Variants in GUCA1B observed in about 807,000 individuals in gnomAD.
GUCA1B encodes guanylate cyclase activator 1B.
In GUCA1B, 22 loss-of-function variants were observed where a neutral mutation model predicts 24.2. That is an observed-to-expected ratio of 0.91 (90% CI 0.65 to 1.30). The LOEUF (loss-of-function observed/expected upper bound fraction) is 1.30. GUCA1B is among the 50% of genes most tolerant of loss of function. The pLI is 0.00. For synonymous variants in GUCA1B, 100 were observed against 97.9 expected (o/e 1.02, Z -0.13); for missense variants, 221 against 258.8 (o/e 0.85, Z 1.00).
At chr6:42,190,073 C>T (rs1209562375) in intron 1 of GUCA1B, among the ~76,000 whole-genome samples, 1 of 152,152 alleles carries the variant, frequency 6.6e-6, no homozygotes, top group East Asian at 1.9e-4. Flanking sequence ...AGCCCCAGAT[C>T]AAGGGGTGCC....
chr6:42,191,707 G>A (rs1293846668), intron 1 of GUCA1B, among the ~76,000 whole-genome samples: 2 of 152,194 alleles, frequency 1.3e-5, no homozygotes, highest in African/African-American at 4.8e-5. Context: ...ATCCTTACAT[G>A]TTGCTTATTA....
intron 2 of GUCA1B, among the ~76,000 whole-genome samples, chr6:42,187,418 C>CTTTT (rs70987578): frequency 7.7e-6 from 1 of 129,582 alleles, no homozygotes; most frequent in Non-Finnish European, 1.6e-5. Flanking sequence ...GTTTATTTTA[C>CTTTT]TTTTTTTTTT....
chr6:42,187,229 C>T (rs373433121), intron 2 of GUCA1B, among the ~76,000 whole-genome samples: 45 of 152,006 alleles, frequency 3.0e-4, no homozygotes, highest in African/African-American at 9.4e-4. Context: ...CTCAGCCTTC[C>T]GAGTAGCTGG....
At chr6:42,192,383 G>GAGAAA (rs112816400) in intron 1 of GUCA1B, among the ~76,000 whole-genome samples, 1 of 63,916 alleles carries the variant, frequency 1.6e-5, no homozygotes, top group Admixed American at 2.0e-4. Context: ...AAAAAAAAGA[G>GAGAAA]AGAAAAGAAA....
At chr6:42,193,100 T>A (rs1484014165) in intron 1 of GUCA1B, among the ~76,000 whole-genome samples, 1 of 152,204 alleles carries the variant, frequency 6.6e-6, no homozygotes, top group Non-Finnish European at 1.5e-5. Flanking sequence ...AAATTGCATA[T>A]GGGAGTTACT....
rs145572914 is a variant in GUCA1B at position 42,192,649 on chromosome 6, T to C, written c.207+1965A>G. Among the ~76,000 whole-genome samples the C allele has an allele frequency of 1.3e-3, 198 of 152,160 alleles. 1 individual carries two copies. The highest frequency in any genetic ancestry group is 4.0e-3 in the African/African-American group (165 of 41,510). On this transcript the variant is annotated intron_variant, in intron 1 of 3. Coordinates refer to ENST00000230361, the MANE Select transcript of GUCA1B (RefSeq NM_002098.6). ...ATTGCTTGAACTCAGGAGGTGGAGA[T>C]TGCAGTGAGCTGAGATTGTGCCACT...
Position 42,194,824 on chromosome 6 carries a change from A to G in GUCA1B, c.-4T>C. 2 of 1,554,044 alleles carry G rather than the reference A, an allele frequency of 1.3e-6. No homozygotes were observed. Among genetic ancestry groups the G allele is most frequent in the Middle Eastern group, 3.6e-4 (2 of 5,556 alleles). ...CCCAGCTAAACTCCTGCCCCATGCTAGCCCTGAGGAGCATCAGGGAGCAAG... is the reference window on the plus strand; with the variant it reads ...CCCAGCTAAACTCCTGCCCCATGCTGGCCCTGAGGAGCATCAGGGAGCAAG... On this transcript the variant is annotated 5_prime_UTR_variant, in exon 1 of 4. Transcript: ENST00000230361.
Position 42,188,902 on chromosome 6 carries a change from A to ATCTATCTATCTATCTATCTATC in GUCA1B, c.208-172_208-171insGATAGATAGATAGATAGATAGA, listed in dbSNP as rs57981170. 7.1e-3 allele frequency among the ~76,000 whole-genome samples: 817 copies of ATCTATCTATCTATCTATCTATC among 114,730 alleles called. 15 individuals carry two copies. The highest frequency in any genetic ancestry group is 0.026 in the African/African-American group (742 of 28,694). 75.3% of individuals were successfully genotyped at this position (114,730 alleles called of 152,430 possible). ...TAGAGAACATTCTATCTATCTATCT[A>ATCTATCTATCTATCTATCTATC]TATCTATATCATCTCTCTCTCTCTC... On this transcript the variant is annotated intron_variant, in intron 1 of 3. Transcript: ENST00000230361.
At chr6:42,190,361 ATTT>A (rs143865611) in intron 1 of GUCA1B, among the ~76,000 whole-genome samples, 16 of 123,016 alleles carry the variant, frequency 1.3e-4, no homozygotes, top group Admixed American at 2.5e-4. Flanking sequence ...GTCAACTTCC[ATTT>A]TTTTTTTTTT....
At position 42,184,699 on chromosome 6, in the gene GUCA1B, G is replaced by A. The variant is rs563735928; in HGVS notation, c.*116C>T. The A allele has an allele frequency of 3.3e-5, 35 of 1,066,020 alleles. No homozygotes were observed. Among genetic ancestry groups the A allele is most frequent in the Non-Finnish European group, 4.9e-5 (34 of 691,022 alleles). The allele number at this position is 1,066,020 out of a possible 1,614,324, so 66.0% of individuals were successfully genotyped here. On this transcript the variant is annotated 3_prime_UTR_variant, in exon 4 of 4. Coordinates refer to ENST00000230361, the MANE Select transcript of GUCA1B (RefSeq NM_002098.6). The stretch of plus-strand genomic sequence containing the variant: ...CCATCCCCACTCAGCCCTGCACAGG[G>A]GGTGCCAGGAAGTCAACACCAGGGG...
At chr6:42,189,487 G>C (rs1339262265) in intron 1 of GUCA1B, among the ~76,000 whole-genome samples, 1 of 152,218 alleles carries the variant, frequency 6.6e-6, no homozygotes, top group Non-Finnish European at 1.5e-5. Context: ...GAAGGAATTA[G>C]AAAGCAGAGC....
chr6:42,191,854 CA>C (rs970467694), intron 1 of GUCA1B, among the ~76,000 whole-genome samples: 42 of 152,198 alleles, frequency 2.8e-4, no homozygotes, highest in African/African-American at 9.9e-4. Flanking sequence ...ACCGAGGACA[CA>C]ACATCACATC....
In GUCA1B at chr6:42,184,048, T is replaced by A. The variant is rs886061393; in HGVS notation, c.*767A>T. On this transcript the variant is annotated 3_prime_UTR_variant, in exon 4 of 4. Transcript: ENST00000230361. ...CCTCAGCATCCCGGAAGTTATAGAA[T>A]TATTGCTGCCCCCTGCCCCCCAAAA... is the stretch of plus-strand genomic sequence containing the variant. Among the ~76,000 whole-genome samples, 1 of 151,856 alleles carries A rather than the reference T, an allele frequency of 6.6e-6. No homozygotes were observed. The highest frequency in any genetic ancestry group is 1.5e-5 in the Non-Finnish European group (1 of 67,980).
Position 42,184,664 on chromosome 6 carries a change from C to G in GUCA1B, c.*151G>C. On this transcript the variant is annotated 3_prime_UTR_variant, in exon 4 of 4. Coordinates refer to ENST00000230361, the MANE Select transcript of GUCA1B (RefSeq NM_002098.6). Reference sequence around the variant, plus strand: ...GCCCTGTTGGCCACTTCAAACCCAGCAGCCCTTCCCCATCCCCACTCAGCC... The same window carrying G: ...GCCCTGTTGGCCACTTCAAACCCAGGAGCCCTTCCCCATCCCCACTCAGCC... 1.2e-6 allele frequency: 1 copy of G among 824,676 alleles called. No individual in the cohort carries two copies. The highest frequency in any genetic ancestry group is 1.4e-5 in the South Asian group (1 of 73,464). 51.1% of individuals were successfully genotyped at this position (824,676 alleles called of 1,614,324 possible). A position where few individuals can be genotyped will look rare whatever the true frequency, so the allele number is the denominator to read the frequency against.
At chr6:42,185,627 AAGTGGCGATG>A in intron 3 of GUCA1B, 43 bp downstream of exon 3, 1 of 1,105,732 alleles carries the variant, frequency 9.0e-7, no homozygotes, top group Non-Finnish European at 1.4e-6. Flanking sequence ...TGCGGCCAGA[AAGTGGCGATG>A]ATGCAGAGTG....
rs1417993195 is a variant in GUCA1B at position 42,184,574 on chromosome 6, C to T, written c.*241G>A. ...AGCCAAGGCACAGTCCTCCCAGGAG[C>T]GGCTGAACAGGAAAAGTAACTGAAT... is the stretch of plus-strand genomic sequence containing the variant. On this transcript the variant is annotated 3_prime_UTR_variant, in exon 4 of 4. Coordinates refer to ENST00000230361, the MANE Select transcript of GUCA1B (RefSeq NM_002098.6). 4.0e-5 allele frequency: 22 copies of T among 545,934 alleles called. No individual in the cohort carries two copies. Among genetic ancestry groups the T allele is most frequent in the East Asian group, 2.1e-4 (6 of 28,666 alleles). The allele number at this position is 545,934 out of a possible 1,614,324, so 33.8% of individuals were successfully genotyped here. A position where few individuals can be genotyped will look rare whatever the true frequency, so the allele number is the denominator to read the frequency against.
intron 1 of GUCA1B, among the ~76,000 whole-genome samples, chr6:42,191,820 G>A (rs1291078503): frequency 6.6e-6 from 1 of 152,142 alleles, no homozygotes; most frequent in African/African-American, 2.4e-5. Context: ...ACAAACTGAT[G>A]TCTTGTACCG....
At position 42,184,134 on chromosome 6, in the gene GUCA1B, G is replaced by A. The variant is rs1768152132; in HGVS notation, c.*681C>T. Reference sequence around the variant, plus strand: ...GAGACGGAGTCTCACTGTCGTCCAGGCTGGAGTGCAGTGGCGCAATCTCGG... The same window carrying A: ...GAGACGGAGTCTCACTGTCGTCCAGACTGGAGTGCAGTGGCGCAATCTCGG... On this transcript the variant is annotated 3_prime_UTR_variant, in exon 4 of 4. Transcript: ENST00000230361. 6.6e-6 allele frequency among the ~76,000 whole-genome samples: 1 copy of A among 151,190 alleles called. No homozygotes were observed. The highest frequency in any genetic ancestry group is 2.1e-4 in the South Asian group (1 of 4,794).
intron 3 of GUCA1B, 107 bp downstream of exon 3, chr6:42,185,573 T>C: frequency 1.4e-6 from 1 of 732,796 alleles, no homozygotes; most frequent in Non-Finnish European, 2.5e-6. Flanking sequence ...TTCTCACAGA[T>C]GAGGACCCCA....
Sources: gnomAD v4.1 joint callset for allele counts (sites outside exome capture counted in the v4.1 genomes callset) on GRCh38, gnomAD v4.1.1 for gene constraint, MANE v1.5 for transcripts, NCBI Gene and HGNC (gene_info 2026-07-23, HGNC 2026-07-21) for gene names.